The following INPP4B variants were observed in gnomAD, a reference collection of about 807,000 sequenced individuals.
INPP4B encodes inositol polyphosphate 4-phosphatase type II.
A neutral mutation model predicts 122.5 loss-of-function variants in INPP4B; 55 were observed. The ratio of observed to expected loss-of-function variants is 0.45; its 90% CI spans 0.36 to 0.56. The LOEUF (loss-of-function observed/expected upper bound fraction) is 0.56, where lower values mean the gene tolerates loss of function less well. Among genes scored for constraint, INPP4B ranks in the 20% least tolerant of loss-of-function variants. The pLI is 0.00. For synonymous variants in INPP4B, 403 were observed against 388.7 expected (o/e 1.04, Z -0.43); for missense variants, 1,000 against 1,097.7 (o/e 0.91, Z 1.26).
intron 2 of INPP4B, among the ~76,000 whole-genome samples, chr4:142,691,870 G>T (rs1217821361): frequency 6.6e-6 from 1 of 152,148 alleles, no homozygotes; most frequent in Non-Finnish European, 1.5e-5. Context: ...CCATGTTCAG[G>T]CAGGTTCTTC....
At chr4:142,721,265 T>C (rs1764623214) in intron 2 of INPP4B, among the ~76,000 whole-genome samples, 1 of 152,132 alleles carries the variant, frequency 6.6e-6, no homozygotes, top group Non-Finnish European at 1.5e-5. Context: ...CAAATAACCA[T>C]GACCCTACTC....
At chr4:142,732,869 C>A (rs932197963) in intron 1 of INPP4B, among the ~76,000 whole-genome samples, 1 of 151,648 alleles carries the variant, frequency 6.6e-6, no homozygotes, top group Non-Finnish European at 1.5e-5. Flanking sequence ...CCAAGATTAG[C>A]CAAGGAAGAC....
At chr4:142,299,896 G>A (rs1443794296) in intron 9 of INPP4B, among the ~76,000 whole-genome samples, 1 of 151,560 alleles carries the variant, frequency 6.6e-6, no homozygotes, top group African/African-American at 2.4e-5. Flanking sequence ...ATTTTTTAAA[G>A]TCATCTCTGA....
chr4:142,391,014 GA>G (rs1389962304), intron 7 of INPP4B, among the ~76,000 whole-genome samples: 1 of 152,126 alleles, frequency 6.6e-6, no homozygotes, highest in Non-Finnish European at 1.5e-5. Context: ...AAACTTTAAT[GA>G]ATATAAACCA....
At chr4:142,663,953 TATTCCAAAAAGATGAC>T (rs1269360770) in intron 2 of INPP4B, among the ~76,000 whole-genome samples, 2 of 152,246 alleles carry the variant, frequency 1.3e-5, no homozygotes, top group African/African-American at 2.4e-5. Context: ...TATTTCCAGA[TATTCCAAAAAGATGAC>T]TAAGAAATGA....
At chr4:142,316,306 T>C (rs1318416589) in intron 7 of INPP4B, among the ~76,000 whole-genome samples, 3 of 152,078 alleles carry the variant, frequency 2.0e-5, no homozygotes, top group Non-Finnish European at 2.9e-5. Context: ...GGTAGCTGCA[T>C]TAACATTTTT....
rs781427853 is a variant in INPP4B at position 142,028,837 on chromosome 4, G to A, written c.2720C>T (p.Ala907Val). The change falls in exon 26 of 26, where the codon GCT (alanine) becomes GTT (valine). Residue 907 changes from alanine (A) to valine (V), a missense_variant. Coordinates refer to ENST00000262992, the MANE Select transcript of INPP4B (RefSeq NM_001101669.3). ...TGGAGGTCTGTAGTACTTGGGGAAA[G>A]CCATCAGCTGTAGCATGTTGAAAGC... is the stretch of plus-strand genomic sequence containing the variant. ...KYAFNMLQLMAFPKYYRPPEG... is the reference protein window; with the variant it reads ...KYAFNMLQLMVFPKYYRPPEG... 2 of 1,613,590 alleles carry A rather than the reference G, an allele frequency of 1.2e-6. No individual in the cohort carries two copies. The highest frequency in any genetic ancestry group is 1.7e-6 in the Non-Finnish European group (2 of 1,179,680).
At chr4:142,562,176 T>C (rs1730620128) in intron 2 of INPP4B, among the ~76,000 whole-genome samples, 1 of 152,154 alleles carries the variant, frequency 6.6e-6, no homozygotes, top group Non-Finnish European at 1.5e-5. Flanking sequence ...TTTAAGTGGA[T>C]GTAAAGGAAA....
At chr4:142,069,214 A>G (rs1269732353) in intron 25 of INPP4B, among the ~76,000 whole-genome samples, 2 of 152,158 alleles carry the variant, frequency 1.3e-5, no homozygotes, top group African/African-American at 4.8e-5. Flanking sequence ...AAACTGAACA[A>G]CCTGCTCCTG....
rs148129357 is a variant in INPP4B at position 142,804,573 on chromosome 4, C to T, written c.-254+41636G>A. Among the ~76,000 whole-genome samples the T allele has an allele frequency of 3.0e-3, 450 of 152,224 alleles. 2 individuals are homozygous for T. Among genetic ancestry groups the T allele is most frequent in the African/African-American group, 1.0e-2 (414 of 41,538 alleles). ...CACTTTGACACTTTTGATTCCCTTTCCTTTCTCCTTGTATGTTTGCTTTAT... is the reference window on the plus strand; with the variant it reads ...CACTTTGACACTTTTGATTCCCTTTTCTTTCTCCTTGTATGTTTGCTTTAT... On this transcript the variant is annotated intron_variant, in intron 1 of 25. Transcript: ENST00000262992.
chr4:142,072,501 G>A (rs1460338412), intron 25 of INPP4B, among the ~76,000 whole-genome samples: 3 of 147,898 alleles, frequency 2.0e-5, no homozygotes, highest in African/African-American at 7.4e-5. Flanking sequence ...GTAAATAAAA[G>A]AGAACCAATG....
intron 14 of INPP4B, among the ~76,000 whole-genome samples, chr4:142,207,929 C>T (rs1193091525): frequency 6.6e-6 from 1 of 151,988 alleles, no homozygotes; most frequent in Non-Finnish European, 1.5e-5. Flanking sequence ...ATATTTCTTA[C>T]AACTGAGTAC....
chr4:142,585,824 C>A (rs1406650217), intron 2 of INPP4B, among the ~76,000 whole-genome samples: 7 of 147,646 alleles, frequency 4.7e-5, no homozygotes, highest in African/African-American at 7.5e-5. Flanking sequence ...TGACTATCCT[C>A]AAAAAAAATT....
At chr4:142,304,570 T>C (rs1475637655) in intron 9 of INPP4B, among the ~76,000 whole-genome samples, 1 of 152,110 alleles carries the variant, frequency 6.6e-6, no homozygotes, top group Non-Finnish European at 1.5e-5. Context: ...ATATCTTTAC[T>C]GAAATAAATT....
intron 2 of INPP4B, among the ~76,000 whole-genome samples, chr4:142,634,051 A>G (rs979582043): frequency 8.6e-5 from 13 of 151,932 alleles, no homozygotes; most frequent in African/African-American, 2.4e-4. Flanking sequence ...AGGTGGGGGG[A>G]AAAGGCAGGG....
intron 1 of INPP4B, among the ~76,000 whole-genome samples, chr4:142,830,025 G>C (rs1240786693): frequency 6.6e-6 from 1 of 152,058 alleles, no homozygotes; most frequent in Non-Finnish European, 1.5e-5. Context: ...GACCTTTCTA[G>C]AGCAAATGTT....
chr4:142,726,450 T>A (rs1301860397), intron 1 of INPP4B, among the ~76,000 whole-genome samples: 1 of 152,210 alleles, frequency 6.6e-6, no homozygotes, highest in Non-Finnish European at 1.5e-5. Context: ...TTTCAGAGCT[T>A]TTCTATGCTG....
chr4:142,823,280 A>G (rs7683763), intron 1 of INPP4B, among the ~76,000 whole-genome samples: 23,950 of 152,166 alleles, frequency 0.16, 3,434 homozygotes, highest in African/African-American at 0.38. Flanking sequence ...ATAATATAGT[A>G]ATAACATTGT....
At chr4:142,136,092 C>G (rs569503324) in intron 18 of INPP4B, among the ~76,000 whole-genome samples, 1 of 152,168 alleles carries the variant, frequency 6.6e-6, no homozygotes, top group African/African-American at 2.4e-5. Flanking sequence ...CCACCGTGCC[C>G]GGAGGGTGCT....
Sources: allele counts gnomAD v4.1 joint callset (sites outside exome capture counted in the v4.1 genomes callset), GRCh38; gene constraint gnomAD v4.1.1; transcripts MANE v1.5; gene names NCBI Gene and HGNC (gene_info 2026-07-23, HGNC 2026-07-21).